The following ANKRD6 variants were observed in gnomAD, a reference collection of about 807,000 sequenced individuals.
ANKRD6 encodes ankyrin repeat domain 6, also known as ankyrin repeat domain-containing protein 6.
In ANKRD6, 56 loss-of-function variants were observed where a neutral mutation model predicts 82.3. The observed-to-expected ratio is 0.68, with a 90% CI of 0.55 to 0.85. The LOEUF is 0.85. Ranked by LOEUF, ANKRD6 falls within the 40% of genes least tolerant of loss-of-function variation. The pLI, the probability that ANKRD6 is intolerant of heterozygous loss-of-function variation, is 0.00. For synonymous variants in ANKRD6, 347 were observed against 352.1 expected, an observed-to-expected ratio of 0.99 and a Z score of 0.16; for missense variants, 852 against 907.6, an observed-to-expected ratio of 0.94 and a Z score of 0.79.
intron 7 of ANKRD6, among the ~76,000 whole-genome samples, chr6:89,616,209 A>C (rs868382060): frequency 6.6e-6 from 1 of 152,200 alleles, no homozygotes; most frequent in South Asian, 2.1e-4. Context: ...CAAAAGTGGA[A>C]TGACTAGCCT....
At chr6:89,544,472 T>G (rs1353429176) in intron 1 of ANKRD6, among the ~76,000 whole-genome samples, 1 of 151,912 alleles carries the variant, frequency 6.6e-6, no homozygotes, top group African/African-American at 2.4e-5. Context: ...TCCCAGCACT[T>G]TGGAGGCCAA....
At chr6:89,528,646 C>G (rs892692146) in intron 1 of ANKRD6, among the ~76,000 whole-genome samples, 2 of 152,194 alleles carry the variant, frequency 1.3e-5, no homozygotes, top group East Asian at 1.9e-4. Context: ...GAAGCCTTTC[C>G]GGAAGGTTTT....
chr6:89,460,906 A>ATTTTTTTTTTTT (rs1554213815), intron 1 of ANKRD6, among the ~76,000 whole-genome samples: 61 of 83,888 alleles, frequency 7.3e-4, no homozygotes, highest in Middle Eastern at 5.7e-3. Context: ...GTGTTTTGGA[A>ATTTTTTTTTTTT]TTCTTTTTTT....
intron 1 of ANKRD6, among the ~76,000 whole-genome samples, chr6:89,513,574 G>C (rs1780831012): frequency 6.6e-6 from 1 of 152,160 alleles, no homozygotes; most frequent in African/African-American, 2.4e-5. Context: ...TTCTTATGTA[G>C]TATGAACATA....
intron 1 of ANKRD6, among the ~76,000 whole-genome samples, chr6:89,457,854 C>G (rs1773674150): frequency 6.6e-6 from 1 of 152,142 alleles, no homozygotes; most frequent in African/African-American, 2.4e-5. Flanking sequence ...GTTTGTGTCT[C>G]CCCCGCGAAT....
At chr6:89,440,118 T>C (rs1306206240) in intron 1 of ANKRD6, among the ~76,000 whole-genome samples, 3 of 152,194 alleles carry the variant, frequency 2.0e-5, no homozygotes, top group Non-Finnish European at 4.4e-5. Flanking sequence ...TAACAAAACA[T>C]AGGTTAACAA....
intron 1 of ANKRD6, chr6:89,562,462 C>T (rs780336025): frequency 3.2e-4 from 49 of 152,372 alleles, no homozygotes; most frequent in South Asian, 6.2e-4. Flanking sequence ...AACACGCACA[C>T]TCATCTTTTC....
At chr6:89,610,494 C>T (rs1195337869) in intron 5 of ANKRD6, among the ~76,000 whole-genome samples, 2 of 151,568 alleles carry the variant, frequency 1.3e-5, no homozygotes, top group Non-Finnish European at 2.9e-5. Flanking sequence ...TTTATCCAAA[C>T]CTATGGTTTT....
intron 1 of ANKRD6, among the ~76,000 whole-genome samples, chr6:89,498,943 A>G (rs1470112991): frequency 6.6e-6 from 1 of 152,174 alleles, no homozygotes; most frequent in African/African-American, 2.4e-5. Flanking sequence ...CTCAGGGCCC[A>G]TTCCCAACCA....
intron 1 of ANKRD6, among the ~76,000 whole-genome samples, chr6:89,484,797 G>A (rs1777183077): frequency 6.6e-6 from 1 of 152,228 alleles, no homozygotes; most frequent in African/African-American, 2.4e-5. Flanking sequence ...GTTATTGAGT[G>A]TGAAATCTAT....
At chr6:89,538,505 C>A (rs565403431) in intron 1 of ANKRD6, among the ~76,000 whole-genome samples, 90 of 152,298 alleles carry the variant, frequency 5.9e-4, no homozygotes, top group African/African-American at 2.1e-3. Context: ...GCGGAAGAAG[C>A]ATGCACCATA....
At chr6:89,546,668 G>A (rs1033988983) in intron 1 of ANKRD6, among the ~76,000 whole-genome samples, 3 of 152,052 alleles carry the variant, frequency 2.0e-5, no homozygotes, top group Non-Finnish European at 4.4e-5. Context: ...TCATCATGTC[G>A]GCCAGGCTGG....
intron 13 of ANKRD6, among the ~76,000 whole-genome samples, chr6:89,625,875 G>C (rs1487783009): frequency 6.6e-6 from 1 of 151,818 alleles, no homozygotes; most frequent in Non-Finnish European, 1.5e-5. Context: ...CTGGGACTAA[G>C]GCGGACGCCA....
chr6:89,566,814 C>T lies in ANKRD6; in HGVS notation c.-143-20C>T. 1 of 960,522 alleles carries T rather than the reference C, an allele frequency of 1.0e-6. No individual in the cohort carries two copies. Among genetic ancestry groups the T allele is most frequent in the Non-Finnish European group, 1.5e-6 (1 of 662,658 alleles). The allele number at this position is 960,522 out of a possible 1,614,324, so 59.5% of individuals were successfully genotyped here. ...GTGTGTCAAGTGGCCCTGATGGCAC[C>T]TTTGTTTTGTAACCCCTAGGTCCCG... On this transcript the variant is annotated intron_variant, in intron 1 of 15. Coordinates refer to ENST00000339746, the MANE Select transcript of ANKRD6 (RefSeq NM_001242809.2).
chr6:89,613,578 GGTT>G (rs1436279800), intron 6 of ANKRD6, among the ~76,000 whole-genome samples: 1 of 152,196 alleles, frequency 6.6e-6, no homozygotes, highest in Admixed American at 6.5e-5. Context: ...GTGACCACGT[GGTT>G]GTTCTGCACA....
At chr6:89,549,177 G>A (rs1003549303) in intron 1 of ANKRD6, among the ~76,000 whole-genome samples, 13 of 152,082 alleles carry the variant, frequency 8.5e-5, no homozygotes, top group African/African-American at 2.9e-4. Flanking sequence ...GCCACTGCAT[G>A]CCTGCCTGGG....
intron 1 of ANKRD6, among the ~76,000 whole-genome samples, chr6:89,547,820 A>G (rs951980245): frequency 1.3e-5 from 2 of 152,208 alleles, no homozygotes; most frequent in Admixed American, 6.5e-5. Context: ...TCAATTGTTA[A>G]TGGGCATTTC....
intron 1 of ANKRD6, among the ~76,000 whole-genome samples, chr6:89,535,016 T>G: frequency 6.6e-6 from 1 of 152,126 alleles, no homozygotes; most frequent in East Asian, 1.9e-4. Context: ...GGCAAACCAT[T>G]AGCAGGACTC....
In ANKRD6 at chr6:89,528,859, G is replaced by A. The variant is rs570934726; in HGVS notation, c.-143-37975G>A. Among the ~76,000 whole-genome samples, 13 of 152,296 alleles carry A rather than the reference G, an allele frequency of 8.5e-5. No homozygotes were observed. The South Asian group carries it at 2.3e-3, about 27-fold the overall frequency. Reference sequence around the variant, plus strand: ...TCTTGGGTGACCAGGTGTATCATCCGTGAGCAGTAATATTTGGAAGGGAAT... The same window carrying A: ...TCTTGGGTGACCAGGTGTATCATCCATGAGCAGTAATATTTGGAAGGGAAT... On this transcript the variant is annotated intron_variant, in intron 1 of 15. Coordinates refer to ENST00000339746, the MANE Select transcript of ANKRD6 (RefSeq NM_001242809.2).
Sources: gnomAD v4.1 joint callset for allele counts (sites outside exome capture counted in the v4.1 genomes callset) on GRCh38, gnomAD v4.1.1 for gene constraint, MANE v1.5 for transcripts, NCBI Gene and HGNC (gene_info 2026-07-23, HGNC 2026-07-21) for gene names.